N4BP2: variants seen among roughly 807,000 people sequenced by gnomAD.
N4BP2 encodes NEDD4 binding protein 2.
Under a neutral mutation model 152.8 loss-of-function variants are expected in N4BP2, and 91 were observed. The ratio of observed to expected loss-of-function variants is 0.60; its 90% CI spans 0.50 to 0.71. N4BP2 has a LOEUF of 0.71. N4BP2 is among the 30% of genes least tolerant of loss of function. The pLI, the probability that N4BP2 is intolerant of heterozygous loss-of-function variation, is 0.00. For missense variants in N4BP2, 1,923 were observed against 2,059.1 expected (o/e 0.93, Z 1.28); for synonymous variants, 646 against 705.3 (o/e 0.92, Z 1.33).
chr4:40,160,300 G>T (rs1337523531), downstream of N4BP2, among the ~76,000 whole-genome samples: 1 of 152,186 alleles, frequency 6.6e-6, no homozygotes, highest in Non-Finnish European at 1.5e-5. Flanking sequence ...TGTACAGATG[G>T]TCTCCCACTT....
chr4:40,175,807 GAAAAAA>G, the N4BP2 span, among the ~76,000 whole-genome samples: 9 of 64,022 alleles, frequency 1.4e-4, no homozygotes, highest in Non-Finnish European at 3.0e-4. Flanking sequence ...CTCGTCTCAA[GAAAAAA>G]AAAAAAAAAA....
intron 1 of N4BP2, among the ~76,000 whole-genome samples, chr4:40,072,188 C>T (rs533037464): frequency 4.4e-4 from 67 of 151,668 alleles, no homozygotes; most frequent in Admixed American, 3.9e-3. Context: ...GATTCTTGTG[C>T]GTCAGCCTCC....
chr4:40,159,965 A>C (rs2109304337), downstream of N4BP2, among the ~76,000 whole-genome samples: 1 of 151,956 alleles, frequency 6.6e-6, no homozygotes, highest in East Asian at 1.9e-4. Context: ...GATTACAGGC[A>C]CCCACCACCA....
In N4BP2 at chr4:40,154,558, T is replaced by C. The variant is rs897064652; in HGVS notation, c.*321T>C. 6.4e-5 allele frequency: 16 copies of C among 251,628 alleles called. No individual in the cohort carries two copies. The highest frequency in any genetic ancestry group is 3.7e-4 in the African/African-American group (16 of 43,012). The allele number at this position is 251,628 out of a possible 1,614,324, so 15.6% of individuals were successfully genotyped here. A position where few individuals can be genotyped will look rare whatever the true frequency, so the allele number is the denominator to read the frequency against. Reference sequence around the variant, plus strand: ...GGTTACCTTTGTATTAATTGTTGTATGACATTTAGTAATGTCCTAAAAGTC... The same window carrying C: ...GGTTACCTTTGTATTAATTGTTGTACGACATTTAGTAATGTCCTAAAAGTC... On this transcript the variant is annotated 3_prime_UTR_variant, in exon 18 of 18. Transcript: ENST00000261435.
At chr4:40,103,580 A>T (rs139970227) in intron 4 of N4BP2, among the ~76,000 whole-genome samples, 259 of 152,342 alleles carry the variant, frequency 1.7e-3, no homozygotes, top group African/African-American at 5.8e-3. Context: ...GGAATGGAAG[A>T]CTTAAATACA....
chr4:40,189,867 C>T, the N4BP2 span, among the ~76,000 whole-genome samples: 4 of 151,796 alleles, frequency 2.6e-5, no homozygotes, highest in East Asian at 3.9e-4. This position sits in a 1 kb window ranked among gnomAD's most constrained non-coding sequence, Gnocchi z 4.3. Context: ...CCAGCCTGGG[C>T]GACATGGGGA....
chr4:40,162,779 C>T (rs534574193), downstream of N4BP2, among the ~76,000 whole-genome samples: 64 of 152,208 alleles, frequency 4.2e-4, no homozygotes, highest in Middle Eastern at 6.8e-3. Flanking sequence ...AGAATTGGCT[C>T]CTGTAATTTT....
intron 3 of N4BP2, among the ~76,000 whole-genome samples, chr4:40,099,545 C>T (rs945719049): frequency 2.0e-5 from 3 of 152,024 alleles, no homozygotes; most frequent in African/African-American, 7.3e-5. Flanking sequence ...CCACTGCACC[C>T]GGCCCATGTT....
intron 1 of N4BP2, among the ~76,000 whole-genome samples, chr4:40,059,131 A>G (rs1051335429): frequency 1.3e-5 from 2 of 152,002 alleles, no homozygotes; most frequent in Non-Finnish European, 1.5e-5. Context: ...GCCGTTTTAA[A>G]ACGCTGATTA....
At chr4:40,118,573 T>G (rs1371409479) in intron 8 of N4BP2, among the ~76,000 whole-genome samples, 1 of 152,246 alleles carries the variant, frequency 6.6e-6, no homozygotes, top group Non-Finnish European at 1.5e-5. Context: ...TTTATTGTCC[T>G]CAGAGTTTTG....
At chr4:40,090,307 T>A (rs986124179) in intron 2 of N4BP2, among the ~76,000 whole-genome samples, 3 of 152,204 alleles carry the variant, frequency 2.0e-5, no homozygotes, top group Admixed American at 2.0e-4. Flanking sequence ...TCTATATCTA[T>A]AAAAAAATCT....
At chr4:40,058,365 A>C (rs1041712402) in intron 1 of N4BP2, among the ~76,000 whole-genome samples, 11 of 152,194 alleles carry the variant, frequency 7.2e-5, no homozygotes, top group African/African-American at 2.4e-4. Flanking sequence ...AAAGGTCAGA[A>C]ATAAACAGTT....
At chr4:40,171,282 G>A in the N4BP2 span, among the ~76,000 whole-genome samples, 2 of 152,228 alleles carry the variant, frequency 1.3e-5, no homozygotes, top group Admixed American at 1.3e-4. Context: ...GAAACCAGGA[G>A]ACGAGCTCTA....
intron 2 of N4BP2, among the ~76,000 whole-genome samples, chr4:40,075,135 C>T (rs571939214): frequency 3.3e-5 from 5 of 152,170 alleles, no homozygotes; most frequent in Non-Finnish European, 5.9e-5. Flanking sequence ...ACCATTTTGG[C>T]GTATATATCA....
intron 14 of N4BP2, among the ~76,000 whole-genome samples, chr4:40,139,196 T>A (rs1379030598): frequency 1.3e-5 from 2 of 152,168 alleles, no homozygotes; most frequent in Admixed American, 1.3e-4. Context: ...ATGGAATTAT[T>A]TCTTTTGTTT....
chr4:40,138,277 G>T (rs1719589916), intron 14 of N4BP2, among the ~76,000 whole-genome samples: 1 of 152,048 alleles, frequency 6.6e-6, no homozygotes, highest in Non-Finnish European at 1.5e-5. Flanking sequence ...TTTTAAATTG[G>T]ATTATTTGTC....
rs541153356 is a variant in N4BP2 at position 40,153,695 on chromosome 4, C to T, written c.5268-497C>T. 4.6e-5 allele frequency among the ~76,000 whole-genome samples: 7 copies of T among 152,276 alleles called. No homozygotes were observed. In the South Asian group the frequency reaches 6.2e-4, roughly 14 times the overall value. On this transcript the variant is annotated intron_variant, in intron 17 of 17. Coordinates refer to ENST00000261435, the MANE Select transcript of N4BP2 (RefSeq NM_018177.6). ...GATAGCATAAGTTATGAGCATAAAACAGGTGACATCAGGGTTATTTTTATA... is the reference window on the plus strand; with the variant it reads ...GATAGCATAAGTTATGAGCATAAAATAGGTGACATCAGGGTTATTTTTATA...
chr4:40,142,620 G>C, intron 14 of N4BP2, 53 bp from the exon 15 acceptor site: 1 of 1,337,466 alleles, frequency 7.5e-7, no homozygotes, highest in Non-Finnish European at 1.0e-6. Flanking sequence ...TGTAAGGCAT[G>C]AGTTTTTTTT....
chr4:40,145,415 G>A (rs1008455070), intron 16 of N4BP2, among the ~76,000 whole-genome samples: 1 of 151,990 alleles, frequency 6.6e-6, no homozygotes, highest in Non-Finnish European at 1.5e-5. Flanking sequence ...GTGGAGACAG[G>A]GTTTTACCAT....
Sources: gnomAD v4.1 joint callset for allele counts (sites outside exome capture counted in the v4.1 genomes callset) on GRCh38, gnomAD v4.1.1 for gene constraint, Gnocchi (gnomAD v3.1) non-coding constraint, MANE v1.5 for transcripts, NCBI Gene and HGNC (gene_info 2026-07-23, HGNC 2026-07-21) for gene names.